NIPBL: variants seen among roughly 807,000 people sequenced by gnomAD.
NIPBL encodes nipped-B-like protein.
In NIPBL, 19 loss-of-function variants were observed where a neutral mutation model predicts 321.8. The ratio of observed to expected loss-of-function variants is 0.06; its 90% CI spans 0.04 to 0.09. The LOEUF is 0.09. Ranked by LOEUF, NIPBL falls within the 10% of genes least tolerant of loss-of-function variation. The pLI, the probability that NIPBL is intolerant of heterozygous loss-of-function variation, is 1.00. For missense variants in NIPBL, 2,210 were observed against 3,327.0 expected (o/e 0.66, Z 8.26); for synonymous variants, 1,106 against 1,114.1 (o/e 0.99, Z 0.14).
chr5:37,056,366 TTG>T, intron 42 of NIPBL, among the ~76,000 whole-genome samples: 1 of 152,308 alleles, frequency 6.6e-6, no homozygotes. Flanking sequence ...TGTTTTTTAG[TTG>T]TGAGCTTTTT....
intron 3 of NIPBL, among the ~76,000 whole-genome samples, chr5:36,957,138 T>C (rs1741056713): frequency 6.6e-6 from 1 of 152,134 alleles, no homozygotes; most frequent in Non-Finnish European, 1.5e-5. Context: ...ATGTATAATA[T>C]AAAGTTAAAA....
chr5:37,065,906 G>A lies in NIPBL; in HGVS notation c.*1014G>A, dbSNP rs1464500516. The A allele has an allele frequency of 6.6e-6, 1 of 152,412 alleles. No homozygotes were observed. The highest frequency in any genetic ancestry group is 1.5e-5 in the Non-Finnish European group (1 of 67,972). The allele number at this position is 152,412 out of a possible 1,614,324, so 9.4% of individuals were successfully genotyped here. On this transcript the variant is annotated 3_prime_UTR_variant, in exon 47 of 47. Coordinates refer to ENST00000282516, the MANE Select transcript of NIPBL (RefSeq NM_133433.4). ...CTCGGGTAAAGGTAACCTGTTATTT[G>A]GAAAACCAGCATTTCTCTTGGTTAA...
chr5:36,889,985 C>T (rs182297283), intron 1 of NIPBL, among the ~76,000 whole-genome samples: 218 of 150,708 alleles, frequency 1.4e-3, no homozygotes, highest in Non-Finnish European at 1.9e-3. Flanking sequence ...TACTAAGTTT[C>T]CTATTAAATT....
intron 1 of NIPBL, among the ~76,000 whole-genome samples, chr5:36,937,460 C>T (rs981977534): frequency 6.6e-6 from 1 of 152,062 alleles, no homozygotes; most frequent in East Asian, 1.9e-4. Context: ...TAAACCATAC[C>T]GTTGGAGATC....
intron 32 of NIPBL, among the ~76,000 whole-genome samples, chr5:37,033,723 TATATATA>T (rs1435224366): frequency 2.1e-5 from 2 of 94,532 alleles, no homozygotes; most frequent in Non-Finnish European, 4.3e-5. Flanking sequence ...TATATATATA[TATATATA>T]TTTTTTTTTT....
At chr5:36,899,845 A>G (rs1747065953) in intron 1 of NIPBL, among the ~76,000 whole-genome samples, 1 of 152,144 alleles carries the variant, frequency 6.6e-6, no homozygotes, top group African/African-American at 2.4e-5. Flanking sequence ...CTGTTCTTGG[A>G]CTTTATGACA....
rs746297367 is a variant in NIPBL at position 36,985,616 on chromosome 5, G to A, written c.2436G>A (p.Glu812=). 2 of 1,613,932 alleles carry A rather than the reference G, an allele frequency of 1.2e-6. No homozygotes were observed. ...GACCTGATGGGCGATCTGTTTCTGAGTCACTAAGACGTGACCATGATAATA... is the reference window on the plus strand; with the variant it reads ...GACCTGATGGGCGATCTGTTTCTGAATCACTAAGACGTGACCATGATAATA... ...KQRPDGRSVS[E]SLRRDHDNKQ... The change falls in exon 10 of 47, where the codon GAG becomes GAA. Residue 812 remains glutamate (E), a synonymous_variant. Transcript: ENST00000282516.
chr5:36,977,307 A>G (rs911761726), intron 9 of NIPBL, among the ~76,000 whole-genome samples: 2 of 151,992 alleles, frequency 1.3e-5, no homozygotes, highest in Non-Finnish European at 2.9e-5. Context: ...CTTGGTAATG[A>G]TAAAACTTCT....
intron 10 of NIPBL, among the ~76,000 whole-genome samples, chr5:36,990,282 C>T (rs1580410481): frequency 1.3e-5 from 2 of 152,186 alleles, no homozygotes; most frequent in Admixed American, 1.3e-4. Flanking sequence ...GTTACAGTTA[C>T]ACTACTAAAT....
intron 32 of NIPBL, among the ~76,000 whole-genome samples, chr5:37,036,097 T>G (rs1561193177): frequency 6.6e-6 from 1 of 152,002 alleles, no homozygotes; most frequent in Non-Finnish European, 1.5e-5. Context: ...CTTTCACGTA[T>G]TACCTTAGGT....
chr5:36,886,458 G>C, intron 1 of NIPBL: 1 of 751,154 alleles, frequency 1.3e-6, no homozygotes, highest in Non-Finnish European at 2.4e-6. Context: ...ATGGCAGAGT[G>C]GTGTCTGAGA....
chr5:36,905,083 AGGTTGGTT>A (rs58066881), intron 1 of NIPBL, among the ~76,000 whole-genome samples: 1 of 152,082 alleles, frequency 6.6e-6, no homozygotes, highest in African/African-American at 2.4e-5. Flanking sequence ...AAGCAAGTTG[AGGTTGGTT>A]GGTTGGTTGG....
At chr5:37,024,198 G>A (rs1011006205) in intron 29 of NIPBL, among the ~76,000 whole-genome samples, 1 of 151,692 alleles carries the variant, frequency 6.6e-6, no homozygotes, top group Non-Finnish European at 1.5e-5. Context: ...ATAAGATAGT[G>A]CCAAAGGTTT....
chr5:36,922,173 C>T (rs778227764), intron 1 of NIPBL, among the ~76,000 whole-genome samples: 5 of 152,126 alleles, frequency 3.3e-5, no homozygotes, highest in East Asian at 3.9e-4. Flanking sequence ...CAGGCATGAG[C>T]GACAGCACCT....
intron 14 of NIPBL, among the ~76,000 whole-genome samples, chr5:37,001,354 T>C (rs1746780704): frequency 6.6e-6 from 1 of 152,152 alleles, no homozygotes; most frequent in Non-Finnish European, 1.5e-5. Flanking sequence ...ATCAAGAAAC[T>C]TGAAATCTAG....
chr5:37,065,171 T>C lies in NIPBL; in HGVS notation c.*279T>C. Reference sequence around the variant, plus strand: ...AAAAAAACTTTCTGTTTAAAAAAAATAAACAAGTGAATGTTGGAAATTAGT... The same window carrying C: ...AAAAAAACTTTCTGTTTAAAAAAAACAAACAAGTGAATGTTGGAAATTAGT... On this transcript the variant is annotated 3_prime_UTR_variant, in exon 47 of 47. Coordinates refer to ENST00000282516, the MANE Select transcript of NIPBL (RefSeq NM_133433.4). 6.8e-6 allele frequency: 3 copies of C among 441,162 alleles called. No individual in the cohort carries two copies. Among genetic ancestry groups the C allele is most frequent in the Non-Finnish European group, 1.2e-5 (3 of 244,036 alleles). 27.3% of individuals were successfully genotyped at this position (441,162 alleles called of 1,614,324 possible). A position where few individuals can be genotyped will look rare whatever the true frequency, so the allele number is the denominator to read the frequency against.
chr5:36,962,727 C>T (rs1741771447), intron 6 of NIPBL, among the ~76,000 whole-genome samples: 1 of 152,120 alleles, frequency 6.6e-6, no homozygotes, highest in Non-Finnish European at 1.5e-5. Context: ...GTAGTGAACA[C>T]GTACAGACAT....
intron 1 of NIPBL, among the ~76,000 whole-genome samples, chr5:36,927,125 A>G (rs1195910094): frequency 6.6e-6 from 1 of 152,294 alleles, no homozygotes; most frequent in East Asian, 1.9e-4. Flanking sequence ...CTGCTTTTGT[A>G]TCACGACTTG....
At chr5:37,037,879 C>T (rs1042832615) in intron 33 of NIPBL, among the ~76,000 whole-genome samples, 4 of 151,822 alleles carry the variant, frequency 2.6e-5, no homozygotes, top group African/African-American at 9.7e-5. Context: ...GTTTGTTGCT[C>T]CCATTTTTTA....
Sources: allele counts gnomAD v4.1 joint callset (sites outside exome capture counted in the v4.1 genomes callset), GRCh38; gene constraint gnomAD v4.1.1; transcripts MANE v1.5; gene names NCBI Gene and HGNC (gene_info 2026-07-23, HGNC 2026-07-21).